AFF2: variants seen among roughly 807,000 people sequenced by gnomAD.
AFF2 encodes the protein ALF transcription elongation factor 2.
Under a neutral mutation model 76.9 loss-of-function variants are expected in AFF2, and 14 were observed. That is an observed-to-expected ratio of 0.18 (90% CI 0.12 to 0.28). The LOEUF (loss-of-function observed/expected upper bound fraction) is 0.28. AFF2 is among the 10% of genes least tolerant of loss of function. The pLI, the probability that AFF2 is intolerant of heterozygous loss-of-function variation, is 1.00. For missense variants in AFF2, 868 were observed against 1,001.1 expected, an observed-to-expected ratio of 0.87 and a Z score of 1.79; for synonymous variants, 398 against 366.7, an observed-to-expected ratio of 1.09 and a Z score of -0.98.
intron 1 of AFF2, among the ~76,000 whole-genome samples, chrX:148,580,410 G>A (rs1219436913): frequency 9.0e-6 from 1 of 111,189 alleles, no homozygotes; most frequent in African/African-American, 3.3e-5. Context: ...AAAATAAAAT[G>A]AAAAATATTA....
chrX:148,607,331 G>C (rs1557248910), intron 1 of AFF2, among the ~76,000 whole-genome samples: 4 of 111,399 alleles, frequency 3.6e-5, no homozygotes, highest in African/African-American at 1.3e-4. Flanking sequence ...ATCCCCATGT[G>C]TCATGGGAGG....
At chrX:148,652,820 C>G (rs782070897) in intron 2 of AFF2, among the ~76,000 whole-genome samples, 4 of 111,339 alleles carry the variant, frequency 3.6e-5, no homozygotes, top group Non-Finnish European at 3.8e-5. Flanking sequence ...AGATGAGAGG[C>G]GACTGGGAAG....
At chrX:148,867,319 C>T (rs1051123056) in intron 7 of AFF2, among the ~76,000 whole-genome samples, 1 of 112,047 alleles carries the variant, frequency 8.9e-6, no homozygotes, top group African/African-American at 3.2e-5. Context: ...TGGAGAAGGG[C>T]CCACCTGGAG....
intron 1 of AFF2, among the ~76,000 whole-genome samples, chrX:148,553,487 A>G (rs782190547): frequency 4.5e-5 from 5 of 112,198 alleles, no homozygotes; most frequent in Non-Finnish European, 7.5e-5. Flanking sequence ...TTCAGATGCC[A>G]ATATTAAAAA....
chrX:148,788,484 C>T (rs1347905631), intron 3 of AFF2, among the ~76,000 whole-genome samples: 1 of 111,961 alleles, frequency 8.9e-6, no homozygotes, highest in East Asian at 2.8e-4. Flanking sequence ...GGGCCTAAGC[C>T]AACATTATGT....
intron 9 of AFF2, among the ~76,000 whole-genome samples, chrX:148,923,804 G>C (rs1557283480): frequency 9.0e-6 from 1 of 111,689 alleles, no homozygotes. Context: ...CCTCTTGCAG[G>C]ATCACAAATC....
At position 148,966,816 on chromosome X, in the gene AFF2, C is replaced by T; in HGVS notation, c.2940C>T (p.Ser980=). 8.3e-7 allele frequency: 1 copy of T among 1,211,159 alleles called. No homozygotes were observed. The change falls in exon 14 of 21, where the codon TCC becomes TCT. Residue 980 remains serine (S), a synonymous_variant. Coordinates refer to ENST00000370460, the MANE Select transcript of AFF2 (RefSeq NM_002025.4). The part of the protein sequence containing the change: ...VNEGDTPKKA[S]SATITVTNTA... ...AGGGAGACACTCCAAAAAAGGCATC[C>T]TCTGCCACCATCACTGTCACCAATA... is the stretch of plus-strand genomic sequence containing the variant.
intron 4 of AFF2, among the ~76,000 whole-genome samples, chrX:148,810,234 A>T (rs782314440): frequency 1.8e-5 from 2 of 111,882 alleles, no homozygotes; most frequent in East Asian, 5.7e-4. Context: ...TTTGCCTTTT[A>T]CCTTTCTGGG....
At chrX:148,581,552 G>T (rs1557244971) in intron 1 of AFF2, among the ~76,000 whole-genome samples, 5 of 87,605 alleles carry the variant, frequency 5.7e-5, no homozygotes. Flanking sequence ...ACGTCTACGT[G>T]TACACACATA....
At chrX:148,811,841 G>T (rs782139562) in intron 4 of AFF2, among the ~76,000 whole-genome samples, 205 of 112,135 alleles carry the variant, frequency 1.8e-3, no homozygotes, top group Non-Finnish European at 3.1e-3. Flanking sequence ...CTTACACATG[G>T]AAAGAAAAGA....
intron 3 of AFF2, among the ~76,000 whole-genome samples, chrX:148,732,997 T>A (rs1557264807): frequency 9.0e-6 from 1 of 111,307 alleles, no homozygotes; most frequent in East Asian, 2.8e-4. Flanking sequence ...TGATCTTTGG[T>A]CAAGAGGTTA....
chrX:148,897,248 T>TCC (rs2071298963), intron 8 of AFF2, among the ~76,000 whole-genome samples: 1 of 35,452 alleles, frequency 2.8e-5, no homozygotes, highest in African/African-American at 1.2e-4. Context: ...TATATATATA[T>TCC]ATATATATAT....
intron 3 of AFF2, among the ~76,000 whole-genome samples, chrX:148,716,001 C>T (rs1048266172): frequency 9.1e-6 from 1 of 110,405 alleles, no homozygotes; most frequent in East Asian, 2.9e-4. Flanking sequence ...AGCATCATTT[C>T]TCTCTCTCTC....
chrX:148,860,605 G>A (rs1044365309), intron 7 of AFF2, among the ~76,000 whole-genome samples: 4 of 111,948 alleles, frequency 3.6e-5, no homozygotes, highest in African/African-American at 1.3e-4. Flanking sequence ...TACAGAAGAC[G>A]CACCTCCCTG....
chrX:148,742,878 C>T (rs1349577821), intron 3 of AFF2, among the ~76,000 whole-genome samples: 2 of 111,947 alleles, frequency 1.8e-5, no homozygotes, highest in Non-Finnish European at 3.8e-5. Context: ...AATTTCTTCT[C>T]TTGGCTTCAG....
At chrX:148,594,348 A>G (rs1385228428) in intron 1 of AFF2, among the ~76,000 whole-genome samples, 10 of 112,189 alleles carry the variant, frequency 8.9e-5, no homozygotes, top group Non-Finnish European at 1.5e-4. Context: ...GTTCTTTCTC[A>G]GTTTACAGAA....
intron 3 of AFF2, among the ~76,000 whole-genome samples, chrX:148,748,149 G>A (rs1557266219): frequency 1.8e-5 from 2 of 112,028 alleles, no homozygotes; most frequent in Non-Finnish European, 3.8e-5. Context: ...TCTGCAGATA[G>A]CACATTATAT....
intron 2 of AFF2, among the ~76,000 whole-genome samples, chrX:148,659,529 T>C (rs1160553772): frequency 8.9e-6 from 1 of 112,431 alleles, no homozygotes; most frequent in African/African-American, 3.2e-5. Context: ...GGCATTCCAA[T>C]GGGAAGTGAA....
chrX:148,879,790 C>A (rs782295763), intron 7 of AFF2, among the ~76,000 whole-genome samples: 29 of 89,605 alleles, frequency 3.2e-4, no homozygotes, highest in African/African-American at 1.1e-3. Flanking sequence ...AAAAAAAAAA[C>A]TGTTCTAAAA....
Sources: gnomAD v4.1 joint callset for allele counts (sites outside exome capture counted in the v4.1 genomes callset) on GRCh38, gnomAD v4.1.1 for gene constraint, MANE v1.5 for transcripts, NCBI Gene and HGNC (gene_info 2026-07-23, HGNC 2026-07-21) for gene names.